Variants in TXLNB observed in about 807,000 individuals in gnomAD.
The protein encoded by TXLNB is beta-taxilin.
In TXLNB, 37 loss-of-function variants were observed where a neutral mutation model predicts 57.4. The observed-to-expected ratio is 0.64, with a 90% confidence interval of 0.50 to 0.85. TXLNB has a LOEUF of 0.85. Among genes scored for constraint, TXLNB ranks in the 40% least tolerant of loss-of-function variants. The pLI is 0.00. For synonymous variants in TXLNB, 302 were observed against 309.6 expected (o/e 0.98, Z 0.26); for missense variants, 848 against 825.6 (o/e 1.03, Z -0.33).
In TXLNB at chr6:139,270,611, T is replaced by C. The variant is rs757451298; in HGVS notation, c.532A>G (p.Thr178Ala). Residue 178 changes from threonine (T) to alanine (A), a missense_variant, in exon 4 of 10, where the codon ACT (threonine) becomes GCT (alanine). By Grantham distance (58) the Thr-to-Ala change is moderately conservative. Transcript: ENST00000358430. The part of the protein sequence containing the change: ...KYAELLDEHR[T>A]EQKKLKLLQK... Reference sequence around the variant, plus strand: ...AGGAGCTTTAACTTCTTTTGCTCAGTACGATGTTCATCCAGCTGTACACAT... The same window carrying C: ...AGGAGCTTTAACTTCTTTTGCTCAGCACGATGTTCATCCAGCTGTACACAT... The C allele has an allele frequency of 6.2e-7, 1 of 1,614,072 alleles. No individual in the cohort carries two copies. Among genetic ancestry groups the C allele is most frequent in the African/African-American group, 1.3e-5 (1 of 75,028 alleles).
At chr6:139,248,174 A>G (rs901261790) in intron 7 of TXLNB, among the ~76,000 whole-genome samples, 18 of 152,040 alleles carry the variant, frequency 1.2e-4, no homozygotes, top group African/African-American at 4.3e-4. Context: ...CAAGAGTTTG[A>G]GACCAGGAGA....
the TXLNB span, chr6:139,234,204 ATGT>A: frequency 6.6e-6 from 1 of 152,212 alleles, no homozygotes; most frequent in Non-Finnish European, 1.5e-5. Flanking sequence ...TTGCAGCCAG[ATGT>A]TGTGAAAGAA....
downstream of TXLNB, chr6:139,239,192 C>T (rs1027762986): frequency 2.0e-5 from 3 of 152,310 alleles, no homozygotes; most frequent in African/African-American, 7.2e-5. This position sits in a 1 kb window ranked among gnomAD's most constrained non-coding sequence, Gnocchi z 4.7. Flanking sequence ...GGAGAAGAAT[C>T]AAAACGCAGA....
At chr6:139,323,178 C>T in the TXLNB span, among the ~76,000 whole-genome samples, 1 of 151,772 alleles carries the variant, frequency 6.6e-6, no homozygotes, top group Non-Finnish European at 1.5e-5. Flanking sequence ...TGACATTGCA[C>T]GAGATGAAGA....
At chr6:139,291,276 TG>T (rs1189499418) in intron 1 of TXLNB, among the ~76,000 whole-genome samples, 28 of 152,222 alleles carry the variant, frequency 1.8e-4, no homozygotes, top group Middle Eastern at 3.2e-3. Context: ...AAACATTTAG[TG>T]GCTTAAATCC....
rs771185093 is a variant in TXLNB, at chr6:139,244,703, G to A, written c.1171-13C>T. 6.3e-7 allele frequency: 1 copy of A among 1,576,208 alleles called. No homozygotes were observed. The highest frequency in any genetic ancestry group is 1.7e-5 in the Admixed American group (1 of 59,938). On this transcript the variant is annotated splice_polypyrimidine_tract_variant and intron_variant, in intron 8 of 9. Transcript: ENST00000358430. ...TTTTCTTAGTTGTCTACAGAAATTA[G>A]AGTGAGTGTGTGTTAATCTTGAAAA...
Position 139,243,066 on chromosome 6 carries a change from T to C in TXLNB, c.1515A>G (p.Thr505=). The C allele has an allele frequency of 6.2e-7, 1 of 1,614,212 alleles. No homozygotes were observed. Among genetic ancestry groups the C allele is most frequent in the Non-Finnish European group, 8.5e-7 (1 of 1,180,032 alleles). ...CTGGATGATGAATTATCATGAAGGCTGTGGCCAGATTTTTCACGGCGGTTT... is the reference window on the plus strand; with the variant it reads ...CTGGATGATGAATTATCATGAAGGCCGTGGCCAGATTTTTCACGGCGGTTT... ...SVQTAVKNLA[T]AFMIIHHPES... The change falls in exon 10 of 10, where the codon ACA becomes ACG. Residue 505 remains threonine (T), a synonymous_variant. Transcript: ENST00000358430.
At chr6:139,246,809 G>T (rs576185575) in intron 8 of TXLNB, among the ~76,000 whole-genome samples, 1 of 151,964 alleles carries the variant, frequency 6.6e-6, no homozygotes, top group South Asian at 2.1e-4. Context: ...AGCTACTCGG[G>T]AGGCTGAGGC....
At chr6:139,220,351 T>A in the TXLNB span, among the ~76,000 whole-genome samples, 1 of 152,372 alleles carries the variant, frequency 6.6e-6, no homozygotes, top group South Asian at 2.1e-4. Context: ...ATTTAATTTC[T>A]ATTTAATTCA....
Position 139,241,586 on chromosome 6 carries a change from C to A in TXLNB, c.*940G>T, listed in dbSNP as rs1487428100. The A allele has an allele frequency of 6.6e-6, 1 of 152,206 alleles. No individual in the cohort carries two copies. Among genetic ancestry groups the A allele is most frequent in the Non-Finnish European group, 1.5e-5 (1 of 68,066 alleles). 9.4% of individuals were successfully genotyped at this position (152,206 alleles called of 1,614,324 possible). ...CTTGCAGGAAGCCTGGAATGGGATG[C>A]CCTGGCACATGAGGGGGTGGCAAAG... is the stretch of plus-strand genomic sequence containing the variant. On this transcript the variant is annotated 3_prime_UTR_variant, in exon 10 of 10. Transcript: ENST00000358430.
At chr6:139,289,772 ATATT>A (rs1430819724) in intron 1 of TXLNB, among the ~76,000 whole-genome samples, 1 of 152,240 alleles carries the variant, frequency 6.6e-6, no homozygotes, top group Non-Finnish European at 1.5e-5. Context: ...ATGACTGTAT[ATATT>A]TAAAATGTTT....
At chr6:139,232,756 T>C in the TXLNB span, among the ~76,000 whole-genome samples, 1 of 152,258 alleles carries the variant, frequency 6.6e-6, no homozygotes, top group Admixed American at 6.5e-5. Context: ...GCCAATGCTA[T>C]GATTTATGGT....
rs947581705 is a variant in TXLNB, at chr6:139,246,443, G to C, written c.1170+1374C>G. Among the ~76,000 whole-genome samples, 11 of 152,286 alleles carry C rather than the reference G, an allele frequency of 7.2e-5. No homozygotes were observed. The East Asian group carries it at 1.9e-3, about 27-fold the overall frequency. On this transcript the variant is annotated intron_variant, in intron 8 of 9. Coordinates refer to ENST00000358430, the MANE Select transcript of TXLNB (RefSeq NM_153235.4). ...AATCCCTGTTCGGAAACACAGTTCT[G>C]ATGGCTGATTTTGTATTGGGAAGAC... is the stretch of plus-strand genomic sequence containing the variant.
downstream of TXLNB, among the ~76,000 whole-genome samples, chr6:139,235,505 G>C (rs2114383281): frequency 6.6e-6 from 1 of 152,264 alleles, no homozygotes; most frequent in South Asian, 2.1e-4. Flanking sequence ...ATATGGTTTG[G>C]CTCTGTGTCC....
the TXLNB span, among the ~76,000 whole-genome samples, chr6:139,217,684 C>G: frequency 1.3e-5 from 2 of 151,648 alleles, no homozygotes; most frequent in African/African-American, 4.8e-5. Flanking sequence ...CTGGCTAACG[C>G]GGTGAAACCC....
intron 3 of TXLNB, among the ~76,000 whole-genome samples, chr6:139,272,895 C>A (rs1776801401): frequency 6.6e-6 from 1 of 151,790 alleles, no homozygotes; most frequent in African/African-American, 2.4e-5. Flanking sequence ...TTAGCTGAGC[C>A]TAGGGGCGGG....
At chr6:139,235,546 C>T (rs1406520349), downstream of TXLNB, among the ~76,000 whole-genome samples, 1 of 152,152 alleles carries the variant, frequency 6.6e-6, no homozygotes, top group Admixed American at 6.5e-5. Context: ...ATTGTAATCC[C>T]CATAATCCCT....
At chr6:139,301,260 A>G in the TXLNB span, among the ~76,000 whole-genome samples, 1 of 152,228 alleles carries the variant, frequency 6.6e-6, no homozygotes, top group South Asian at 2.1e-4. Context: ...GAGAGGTTGC[A>G]AAATCATTAA....
the TXLNB span, among the ~76,000 whole-genome samples, chr6:139,168,754 A>C: frequency 6.6e-6 from 1 of 152,190 alleles, no homozygotes; most frequent in Admixed American, 6.5e-5. Flanking sequence ...TTTTTGAGAA[A>C]GGGAGCATGG....
Sources: allele counts gnomAD v4.1 joint callset (sites outside exome capture counted in the v4.1 genomes callset), GRCh38; gene constraint gnomAD v4.1.1; non-coding constraint Gnocchi (gnomAD v3.1); transcripts MANE v1.5; gene names NCBI Gene and HGNC (gene_info 2026-07-23, HGNC 2026-07-21).